MYO16: variants seen among roughly 807,000 people sequenced by gnomAD.
The protein encoded by MYO16 is unconventional myosin-XVI.
A neutral mutation model predicts 205.3 loss-of-function variants in MYO16; 94 were observed. The observed-to-expected ratio is 0.46, with a 90% CI of 0.39 to 0.54. The LOEUF (loss-of-function observed/expected upper bound fraction) is 0.54. MYO16 is among the 20% of genes least tolerant of loss of function. The pLI is 0.00. For synonymous variants in MYO16, 988 were observed against 954.0 expected (o/e 1.04, Z -0.66); for missense variants, 2,315 against 2,387.5 (o/e 0.97, Z 0.63).
At chr13:108,561,853 T>C in the MYO16 span, among the ~76,000 whole-genome samples, 1 of 152,186 alleles carries the variant, frequency 6.6e-6, no homozygotes, top group African/African-American at 2.4e-5. Context: ...CTAGAAGTAA[T>C]GGTCTATTGT....
rs1393705993 is a variant in MYO16 at position 109,164,978 on chromosome 13, A to G, written c.5242A>G (p.Asn1748Asp). 9.3e-6 allele frequency: 15 copies of G among 1,608,024 alleles called. No individual in the cohort carries two copies. Among genetic ancestry groups the G allele is most frequent in the African/African-American group, 1.3e-5 (1 of 74,748 alleles). Reference sequence around the variant, plus strand: ...AATTACTTCCGAGACTCAAGACAGAAATGCAAATAACCATGGAATTCAGTT... The same window carrying G: ...AATTACTTCCGAGACTCAAGACAGAGATGCAAATAACCATGGAATTCAGTT... ...SEITSETQDR[N>D]ANNHGIQLSN... is the part of the protein sequence containing the mutation. Residue 1748 changes from asparagine (N) to aspartate (D), a missense_variant, in exon 33 of 35, where the codon AAT becomes GAT. This residue lies in a region of MYO16 where 1,097 missense variants were observed against 1,092.0 expected (regional missense o/e 1.00). Coordinates refer to ENST00000457511, the MANE Select transcript of MYO16 (RefSeq NM_001198950.3).
chr13:109,000,326 A>G (rs1049100951), intron 21 of MYO16, among the ~76,000 whole-genome samples: 3 of 152,202 alleles, frequency 2.0e-5, no homozygotes, highest in Non-Finnish European at 4.4e-5. Flanking sequence ...TTTAACTCTT[A>G]CAACAGCTTT....
chr13:109,196,898 A>G (rs1880184628), intron 34 of MYO16, among the ~76,000 whole-genome samples: 1 of 152,200 alleles, frequency 6.6e-6, no homozygotes, highest in South Asian at 2.1e-4. Flanking sequence ...TTATTAGCTT[A>G]TTCACCAAAC....
At chr13:108,715,029 G>T (rs1477536249) in intron 3 of MYO16, among the ~76,000 whole-genome samples, 2 of 152,106 alleles carry the variant, frequency 1.3e-5, no homozygotes, top group East Asian at 3.9e-4. Flanking sequence ...TATCTGAAAT[G>T]CTCCAACAGC....
intron 2 of MYO16, 119 bp downstream of exon 2, chr13:108,666,268 C>CTA: frequency 1.6e-5 from 18 of 1,148,792 alleles, no homozygotes; most frequent in Non-Finnish European, 1.9e-5. Context: ...ATATTGGAGG[C>CTA]TACTATCTTT....
At chr13:108,524,068 G>A in the MYO16 span, among the ~76,000 whole-genome samples, 9 of 152,210 alleles carry the variant, frequency 5.9e-5, no homozygotes, top group East Asian at 1.7e-3. Flanking sequence ...GGGAGGCCGA[G>A]GTGGGTGGAT....
chr13:109,002,175 C>T (rs922493396), intron 21 of MYO16, among the ~76,000 whole-genome samples: 3 of 152,178 alleles, frequency 2.0e-5, no homozygotes, highest in African/African-American at 7.2e-5. Flanking sequence ...TAAAAAACTC[C>T]TCAATTAATT....
At chr13:108,675,689 A>C (rs1048147808) in intron 2 of MYO16, among the ~76,000 whole-genome samples, 2 of 152,140 alleles carry the variant, frequency 1.3e-5, no homozygotes, top group East Asian at 3.9e-4. Flanking sequence ...ACATTTTATG[A>C]GTTTGGTAGG....
chr13:109,105,619 A>T (rs974571185), intron 28 of MYO16, among the ~76,000 whole-genome samples: 1 of 152,244 alleles, frequency 6.6e-6, no homozygotes, highest in African/African-American at 2.4e-5. Flanking sequence ...AAATTTTGAA[A>T]CTACTACATA....
the MYO16 span, among the ~76,000 whole-genome samples, chr13:108,573,658 C>G: frequency 5.3e-5 from 8 of 152,182 alleles, no homozygotes; most frequent in African/African-American, 1.7e-4. Flanking sequence ...AGAGATAACA[C>G]TGAGCAGTTT....
chr13:108,897,387 A>G (rs1227899070), intron 14 of MYO16, among the ~76,000 whole-genome samples: 1 of 152,190 alleles, frequency 6.6e-6, no homozygotes, highest in African/African-American at 2.4e-5. Flanking sequence ...CAAAGCCACA[A>G]ACTTGCCAGT....
In MYO16 at chr13:108,958,725, A is replaced by T. The variant is rs369182706; in HGVS notation, c.2037+926A>T. ...GAATCAAACAGCACCCAGCCAGTGA[A>T]TAAGACATAAGAAATGGTCTAAGAC... On this transcript the variant is annotated intron_variant, in intron 17 of 34. Coordinates refer to ENST00000457511, the MANE Select transcript of MYO16 (RefSeq NM_001198950.3). 1.6e-4 allele frequency among the ~76,000 whole-genome samples: 24 copies of T among 152,344 alleles called. No homozygotes were observed. The East Asian group carries it at 4.0e-3, about 26-fold the overall frequency.
the MYO16 span, among the ~76,000 whole-genome samples, chr13:108,530,674 T>C: frequency 6.6e-6 from 1 of 152,224 alleles, no homozygotes; most frequent in Non-Finnish European, 1.5e-5. Context: ...GGTAAAAACT[T>C]AAGTTTTACT....
intron 16 of MYO16, among the ~76,000 whole-genome samples, chr13:108,947,174 C>A (rs936174553): frequency 2.6e-5 from 4 of 152,068 alleles, no homozygotes; most frequent in African/African-American, 9.7e-5. Flanking sequence ...GGTGAAGATG[C>A]CTATGTTAGT....
intron 32 of MYO16, among the ~76,000 whole-genome samples, chr13:109,153,738 G>A (rs932787927): frequency 2.6e-5 from 4 of 152,140 alleles, no homozygotes; most frequent in African/African-American, 4.8e-5. Flanking sequence ...CAGCCTGGGC[G>A]ACAGGGCGAG....
intron 1 of MYO16, among the ~76,000 whole-genome samples, chr13:108,635,405 G>A (rs1301102735): frequency 1.3e-5 from 2 of 152,002 alleles, no homozygotes; most frequent in African/African-American, 2.4e-5. Flanking sequence ...TATTTACACT[G>A]GGTTTTTAAT....
intron 21 of MYO16, among the ~76,000 whole-genome samples, chr13:109,006,522 G>A (rs888783664): frequency 5.9e-5 from 9 of 152,166 alleles, no homozygotes; most frequent in African/African-American, 2.2e-4. Context: ...TTACAGGTGT[G>A]AGCCACTGCA....
chr13:109,181,820 TA>T (rs746381498), intron 34 of MYO16, among the ~76,000 whole-genome samples: 29 of 146,934 alleles, frequency 2.0e-4, no homozygotes, highest in African/African-American at 4.1e-4. Context: ...TTATTTATTT[TA>T]TTTTATTTTT....
intron 4 of MYO16, among the ~76,000 whole-genome samples, chr13:108,745,028 C>T (rs1326265212): frequency 2.6e-5 from 4 of 152,104 alleles, no homozygotes; most frequent in Non-Finnish European, 5.9e-5. Flanking sequence ...AAAAATAAAT[C>T]TGTAAGATTT....
Sources: allele counts gnomAD v4.1 joint callset (sites outside exome capture counted in the v4.1 genomes callset), GRCh38; gene constraint gnomAD v4.1.1; regional missense constraint gnomAD v4.1.1; transcripts MANE v1.5; gene names NCBI Gene and HGNC (gene_info 2026-07-23, HGNC 2026-07-21).